The following TRIM36 variants were observed in gnomAD, a reference collection of about 807,000 sequenced individuals.
The protein encoded by TRIM36 is tripartite motif containing 36, also known as E3 ubiquitin-protein ligase TRIM36.
In TRIM36, 42 loss-of-function variants were observed where a neutral mutation model predicts 72.4. The ratio of observed to expected loss-of-function variants is 0.58; its 90% CI spans 0.45 to 0.75. TRIM36 has a LOEUF of 0.75. Among genes scored for constraint, TRIM36 ranks in the 30% least tolerant of loss-of-function variants. The pLI, the probability that TRIM36 is intolerant of heterozygous loss-of-function variation, is 0.00. For synonymous variants in TRIM36, 315 were observed against 282.8 expected (o/e 1.11, Z -1.14); for missense variants, 913 against 857.1 (o/e 1.07, Z -0.81).
At chr5:115,129,444 G>C (rs953136715) in intron 9 of TRIM36, among the ~76,000 whole-genome samples, 5 of 152,148 alleles carry the variant, frequency 3.3e-5, no homozygotes, top group Non-Finnish European at 7.3e-5. Context: ...TATAATCCCA[G>C]CTATTTGGGA....
At chr5:115,171,173 G>A (rs1285432262), upstream of TRIM36, 2 of 1,614,150 alleles carry the variant, frequency 1.2e-6, no homozygotes, top group Non-Finnish European at 8.5e-7. Flanking sequence ...AAGTTCCGTC[G>A]TCTTCCCACA....
chr5:115,160,828 A>T (rs1439103641), intron 2 of TRIM36, among the ~76,000 whole-genome samples: 2 of 152,168 alleles, frequency 1.3e-5, no homozygotes, highest in African/African-American at 4.8e-5. Context: ...CCCAGGTAAC[A>T]AACAGAGTGA....
At chr5:115,139,777 G>T (rs924575249) in intron 5 of TRIM36, among the ~76,000 whole-genome samples, 2 of 152,144 alleles carry the variant, frequency 1.3e-5, no homozygotes, top group African/African-American at 4.8e-5. Context: ...ATACAACTTA[G>T]GCAAATGATA....
Position 115,137,609 on chromosome 5 carries a change from C to G in TRIM36, c.839G>C (p.Gly280Ala). 1 of 1,593,926 alleles carries G rather than the reference C, an allele frequency of 6.3e-7. No individual in the cohort carries two copies. Among genetic ancestry groups the G allele is most frequent in the East Asian group, 2.2e-5 (1 of 44,756 alleles). The change falls in exon 6 of 10, where the codon GGA (glycine) becomes GCA (alanine). Residue 280 changes from glycine (G) to alanine (A), a missense_variant. Coordinates refer to ENST00000513154, the MANE Select transcript of TRIM36 (RefSeq NM_001300759.2). ...NLLMKETECN[G>A]ERAKEEAITH... ...AATTGCTTCTTCTTTAGCCCTCTCT[C>G]CATTACACTAAGAAAAAACAGTATC...
chr5:115,146,776 C>G (rs967850304), intron 3 of TRIM36, among the ~76,000 whole-genome samples: 2 of 152,160 alleles, frequency 1.3e-5, no homozygotes, highest in African/African-American at 4.8e-5. Flanking sequence ...AAGAGTATAT[C>G]TGAGATAACC....
Position 115,126,795 on chromosome 5 carries a change from G to C in TRIM36, c.1859C>G (p.Pro620Arg), listed in dbSNP as rs760229798. 1.2e-6 allele frequency: 2 copies of C among 1,614,102 alleles called. No homozygotes were observed. Among genetic ancestry groups the C allele is most frequent in the Non-Finnish European group, 1.7e-6 (2 of 1,180,018 alleles). ...CATGCCTATAGTAACTAAGGTAAAT[G>C]GTTGTGAAGAATCAAAACAGGCATC... ...SEDACFDSSQPFTLVTIGMQK... is the reference protein window; with the variant it reads ...SEDACFDSSQRFTLVTIGMQK... Residue 620 changes from proline to arginine, a missense_variant, in exon 10 of 10, where the codon CCA becomes CGA. Transcript: ENST00000513154.
chr5:115,150,324 A>T (rs897048517), intron 2 of TRIM36, among the ~76,000 whole-genome samples: 3 of 152,234 alleles, frequency 2.0e-5, no homozygotes, highest in African/African-American at 7.2e-5. Context: ...TTTAAAATTT[A>T]ATTAAAATTA....
upstream of TRIM36, chr5:115,180,253 G>T: frequency 2.0e-6 from 1 of 492,284 alleles, no homozygotes. Flanking sequence ...CGGCTTGCTA[G>T]GATCCGGGTG....
At chr5:115,143,222 C>CAAAAAAAAAAAAAAA (rs59083853) in intron 4 of TRIM36, among the ~76,000 whole-genome samples, 1 of 57,488 alleles carries the variant, frequency 1.7e-5, no homozygotes, top group Non-Finnish European at 2.9e-5. Context: ...ACCAGCCAGA[C>CAAAAAAAAAAAAAAA]AAAAAAAAAA....
intron 9 of TRIM36, among the ~76,000 whole-genome samples, chr5:115,129,499 G>A (rs112525084): frequency 0.035 from 5,269 of 152,132 alleles, 145 homozygotes; most frequent in East Asian, 0.079. Flanking sequence ...CAGAGGTTGC[G>A]GTGAGCCAAG....
chr5:115,145,856 T>C (rs374685380), intron 3 of TRIM36, among the ~76,000 whole-genome samples: 1 of 152,172 alleles, frequency 6.6e-6, no homozygotes, highest in African/African-American at 2.4e-5. Context: ...TAAAATAAAA[T>C]ACAAAGTTTG....
chr5:115,131,446 TAG>T (rs1752671243), intron 8 of TRIM36, among the ~76,000 whole-genome samples: 1 of 152,198 alleles, frequency 6.6e-6, no homozygotes, highest in Non-Finnish European at 1.5e-5. Flanking sequence ...AGCATTCAAC[TAG>T]AGTTTCATCT....
intron 4 of TRIM36, among the ~76,000 whole-genome samples, chr5:115,143,676 T>C (rs1296772032): frequency 6.6e-6 from 1 of 152,136 alleles, no homozygotes; most frequent in South Asian, 2.1e-4. Flanking sequence ...AAAAAATGCA[T>C]ACACATACTG....
In TRIM36 at chr5:115,163,731, T is replaced by G. The variant is rs770262069; in HGVS notation, c.49A>C (p.Arg17=). The G allele has an allele frequency of 1.2e-6, 2 of 1,614,176 alleles. No individual in the cohort carries two copies. Among genetic ancestry groups the G allele is most frequent in the East Asian group, 2.2e-5 (1 of 44,880 alleles). ...TTGCATGCTGGGCAAATGAGCTCCC[T>G]TTCGATATTCTTAATGGTAACCTTG... ...DSPVTIKNIE[R]ELICPACKEL... Residue 17 remains arginine, a synonymous_variant, in exon 2 of 10, where the codon AGG becomes CGG. Coordinates refer to ENST00000513154, the MANE Select transcript of TRIM36 (RefSeq NM_001300759.2).
intron 1 of TRIM36, chr5:115,179,871 C>CG (rs1755534825): frequency 2.6e-6 from 3 of 1,151,134 alleles, no homozygotes; most frequent in Non-Finnish European, 3.8e-6. Context: ...TCCAGCCTCC[C>CG]GCCCTTCCCA....
chr5:115,128,670 T>G (rs1354985371), intron 9 of TRIM36, among the ~76,000 whole-genome samples: 1 of 136,814 alleles, frequency 7.3e-6, no homozygotes, highest in African/African-American at 2.8e-5. Context: ...GAGAATGGCG[T>G]GAACCCAGGA....
chr5:115,133,046 G>C (rs992837941), intron 8 of TRIM36, among the ~76,000 whole-genome samples: 6 of 152,154 alleles, frequency 3.9e-5, no homozygotes, highest in Non-Finnish European at 7.4e-5. Context: ...AGGAAGAAAG[G>C]GGAGAGTGAA....
At chr5:115,137,679 C>G (rs1429823442) in intron 5 of TRIM36, 63 bp from the exon 6 acceptor site, 1 of 1,472,514 alleles carries the variant, frequency 6.8e-7, no homozygotes, top group African/African-American at 1.4e-5. Flanking sequence ...TTCTGCTAAA[C>G]CCAAATGGCT....
At chr5:115,175,321 G>A (rs1243333654) in intron 1 of TRIM36, among the ~76,000 whole-genome samples, 1 of 152,110 alleles carries the variant, frequency 6.6e-6, no homozygotes, top group African/African-American at 2.4e-5. Flanking sequence ...TTTATTGAGG[G>A]CCTATGATGT....
Sources: allele counts gnomAD v4.1 joint callset (sites outside exome capture counted in the v4.1 genomes callset), GRCh38; gene constraint gnomAD v4.1.1; transcripts MANE v1.5; gene names NCBI Gene and HGNC (gene_info 2026-07-23, HGNC 2026-07-21).